ATR: variants seen among roughly 807,000 people sequenced by gnomAD.
ATR encodes the protein ATR checkpoint kinase.
In ATR, 142 loss-of-function variants were observed where a neutral mutation model predicts 305.3. The ratio of observed to expected loss-of-function variants is 0.47; its 90% CI spans 0.41 to 0.53. The LOEUF (loss-of-function observed/expected upper bound fraction) is 0.53, where lower values mean the gene tolerates loss of function less well. ATR is among the 20% of genes least tolerant of loss of function. The probability of loss-of-function intolerance (pLI) is 0.00; values close to 1 mark genes in which losing one functional copy is unlikely to be tolerated. For missense variants in ATR, 2,135 were observed against 3,133.1 expected (o/e 0.68, Z 7.60); for synonymous variants, 1,050 against 1,068.1 (o/e 0.98, Z 0.33).
intron 45 of ATR, among the ~76,000 whole-genome samples, chr3:142,454,046 T>C (rs541527439): frequency 1.3e-5 from 2 of 152,326 alleles, no homozygotes; most frequent in South Asian, 4.1e-4. Flanking sequence ...CAATGACTTC[T>C]GGTTGCTCTG....
chr3:142,565,342 T>G (rs1298938196), intron 3 of ATR, among the ~76,000 whole-genome samples: 3 of 152,142 alleles, frequency 2.0e-5, no homozygotes, highest in Non-Finnish European at 4.4e-5. Flanking sequence ...AACAAAAAAT[T>G]TTAAAATACT....
chr3:142,451,058 C>G, intron 46 of ATR: 3 of 1,279,288 alleles, frequency 2.3e-6, no homozygotes, highest in Non-Finnish European at 3.0e-6. Context: ...CCTGGAGCTC[C>G]AGGAAAATGG....
At chr3:142,500,943 C>T (rs568561531) in intron 30 of ATR, among the ~76,000 whole-genome samples, 12 of 152,126 alleles carry the variant, frequency 7.9e-5, no homozygotes, top group African/African-American at 2.4e-4. Context: ...ATGTGTCACA[C>T]GAAGACTTAT....
chr3:142,570,023 A>G (rs2035212254), intron 1 of ATR, among the ~76,000 whole-genome samples: 2 of 152,152 alleles, frequency 1.3e-5, no homozygotes, highest in Non-Finnish European at 2.9e-5. Flanking sequence ...CTCCCTAATG[A>G]TTAGTAATTG....
intron 45 of ATR, 63 bp downstream of exon 45, chr3:142,457,541 T>G (rs951775769): frequency 7.7e-5 from 123 of 1,600,238 alleles, no homozygotes; most frequent in Non-Finnish European, 6.0e-6. Flanking sequence ...AACAAACATA[T>G]GTAGGGGCCA....
rs571970382 is a variant in ATR, at chr3:142,476,220, G to A, written c.6222-6037C>T. ...CTAGGTTTTCTTCTAGGGTTTTTACGGTTTTAGGTCTGACATTTAAGTCTT... is the reference window on the plus strand; with the variant it reads ...CTAGGTTTTCTTCTAGGGTTTTTACAGTTTTAGGTCTGACATTTAAGTCTT... On this transcript the variant is annotated intron_variant, in intron 36 of 46. Transcript: ENST00000350721. Among the ~76,000 whole-genome samples, 346 of 152,170 alleles carry A rather than the reference G, an allele frequency of 2.3e-3. 2 individuals carry two copies. The highest frequency in any genetic ancestry group is 7.7e-3 in the African/African-American group (321 of 41,520).
In ATR at chr3:142,558,625, A is replaced by C. The variant is rs1469410284; in HGVS notation, c.1884T>G (p.Tyr628Ter). 4.3e-6 allele frequency: 7 copies of C among 1,611,716 alleles called. No individual in the cohort carries two copies. Among genetic ancestry groups the C allele is most frequent in the Non-Finnish European group, 5.9e-6 (7 of 1,178,638 alleles). The change falls in exon 8 of 47, where the codon TAT (tyrosine) becomes TAG (stop). Residue 628 changes from tyrosine (Y) to a stop codon, truncating the protein, a stop_gained and splice_region_variant. Coordinates refer to ENST00000350721, the MANE Select transcript of ATR (RefSeq NM_001184.4). LOFTEE classifies it high-confidence loss of function. ...ACACACATTCTTGTGAGCACTTACAATAGCTATCTGAAATCCTACAGCTTA... is the reference window on the plus strand; with the variant it reads ...ACACACATTCTTGTGAGCACTTACACTAGCTATCTGAAATCCTACAGCTTA... Reference protein sequence around the residue: ...LTLSCRISDSYSPQAQSRCVF... With the variant: ...LTLSCRISDS
chr3:142,567,635 A>G (rs2035118790), intron 2 of ATR, among the ~76,000 whole-genome samples: 1 of 152,166 alleles, frequency 6.6e-6, no homozygotes, highest in Non-Finnish European at 1.5e-5. Flanking sequence ...TGATTCAGTA[A>G]CTCACATAAT....
At chr3:142,497,771 G>A (rs1256791127) in intron 32 of ATR, among the ~76,000 whole-genome samples, 1 of 152,062 alleles carries the variant, frequency 6.6e-6, no homozygotes, top group African/African-American at 2.4e-5. Flanking sequence ...AAACCAACAT[G>A]AGGTATTTGC....
At chr3:142,524,229 C>T (rs369747235) in intron 21 of ATR, 30 bp from the exon 22 acceptor site, 130 of 1,554,730 alleles carry the variant, frequency 8.4e-5, no homozygotes, top group Non-Finnish European at 1.0e-4. Flanking sequence ...AAAATTTATA[C>T]GTAATTTCTA....
At chr3:142,499,829 A>G (rs945110905) in intron 30 of ATR, 111 bp from the exon 31 acceptor site, 53 of 889,344 alleles carry the variant, frequency 6.0e-5, no homozygotes, top group Non-Finnish European at 8.9e-5. Flanking sequence ...TTTGCATTAT[A>G]TTGTATTTTG....
At chr3:142,506,833 C>T (rs778657627) in intron 28 of ATR, among the ~76,000 whole-genome samples, 1 of 152,164 alleles carries the variant, frequency 6.6e-6, no homozygotes, top group Non-Finnish European at 1.5e-5. Context: ...AGACAGTCAT[C>T]TTGACAAAGG....
In ATR at chr3:142,562,118, TATAA is replaced by T. The variant is rs1183335779; in HGVS notation, c.1170+110_1170+113del. 7 of 1,157,582 alleles carry T rather than the reference TATAA, an allele frequency of 6.0e-6. No individual in the cohort carries two copies. In the African/African-American group the frequency reaches 9.4e-5, roughly 16 times the overall value. The allele number at this position is 1,157,582 out of a possible 1,614,324, so 71.7% of individuals were successfully genotyped here. On this transcript the variant is annotated intron_variant, in intron 4 of 46. Transcript: ENST00000350721. ...ACTATGAAAATCATTATGTTCCAAATATAAATTACTATTAAAGATATTCTATTTT... is the reference window on the plus strand; with the variant it reads ...ACTATGAAAATCATTATGTTCCAAATATTACTATTAAAGATATTCTATTTT...
chr3:142,540,878 AT>A, intron 18 of ATR, 25 bp downstream of exon 18: 1 of 1,563,788 alleles, frequency 6.4e-7, no homozygotes, highest in South Asian at 1.2e-5. Flanking sequence ...AAAAAAAAAA[AT>A]TAATAAACTC....
chr3:142,557,498 G>C (rs1326897720), intron 8 of ATR, among the ~76,000 whole-genome samples: 1 of 151,874 alleles, frequency 6.6e-6, no homozygotes, highest in Admixed American at 6.6e-5. Context: ...AATGTAAGCT[G>C]TAAGAAGCAA....
In ATR at chr3:142,522,849, A is replaced by AT; in HGVS notation, c.4153-9_4153-8insA. On this transcript the variant is annotated splice_polypyrimidine_tract_variant and intron_variant, in intron 22 of 46. Coordinates refer to ENST00000350721, the MANE Select transcript of ATR (RefSeq NM_001184.4). ...TGAATCTTCTACTCCAGTCTCAATC[A>AT]GAAAAAAAAAAAAGAAAATTCCAGG... 6.3e-7 allele frequency: 1 copy of AT among 1,583,210 alleles called. No homozygotes were observed. Among genetic ancestry groups the AT allele is most frequent in the Non-Finnish European group, 8.7e-7 (1 of 1,152,890 alleles).
At position 142,556,283 on chromosome 3, in the gene ATR, C is replaced by T. The variant is rs1025696640; in HGVS notation, c.2078+100G>A. Reference sequence around the variant, plus strand: ...ATTCTAAAACTAAAAGCAACATTTGCTTTACATATTCAACAATAAACACAA... The same window carrying T: ...ATTCTAAAACTAAAAGCAACATTTGTTTTACATATTCAACAATAAACACAA... On this transcript the variant is annotated intron_variant, in intron 9 of 46. Coordinates refer to ENST00000350721, the MANE Select transcript of ATR (RefSeq NM_001184.4). The T allele has an allele frequency of 5.2e-5, 78 of 1,489,680 alleles. No homozygotes were observed. In the East Asian group the frequency reaches 1.8e-3, roughly 34 times the overall value. The allele number at this position is 1,489,680 out of a possible 1,614,324, so 92.3% of individuals were successfully genotyped here. A position where few individuals can be genotyped will look rare whatever the true frequency, so the allele number is the denominator to read the frequency against.
intron 36 of ATR, among the ~76,000 whole-genome samples, chr3:142,473,302 C>T (rs1446182929): frequency 1.3e-5 from 2 of 152,012 alleles, no homozygotes; most frequent in Non-Finnish European, 2.9e-5. Context: ...AGTGTAATTC[C>T]ATTCTATTGC....
At chr3:142,531,554 C>T (rs1331452593) in intron 21 of ATR, among the ~76,000 whole-genome samples, 1 of 152,066 alleles carries the variant, frequency 6.6e-6, no homozygotes, top group Non-Finnish European at 1.5e-5. Flanking sequence ...TGGTTTCCAG[C>T]TTCATCCATG....
Sources: allele counts gnomAD v4.1 joint callset (sites outside exome capture counted in the v4.1 genomes callset), GRCh38; gene constraint gnomAD v4.1.1; transcripts MANE v1.5; gene names NCBI Gene and HGNC (gene_info 2026-07-23, HGNC 2026-07-21).